The following EPB41L4A variants were observed in gnomAD, a reference collection of about 807,000 sequenced individuals.
EPB41L4A encodes the protein band 4.1-like protein 4A.
A neutral mutation model predicts 108.6 loss-of-function variants in EPB41L4A; 100 were observed. That is an observed-to-expected ratio of 0.92 (90% CI 0.78 to 1.09). The LOEUF is 1.09. Ranked by LOEUF, EPB41L4A falls within the 50% of genes least tolerant of loss-of-function variation. The pLI, the probability that EPB41L4A is intolerant of heterozygous loss-of-function variation, is 0.00. For synonymous variants in EPB41L4A, 319 were observed against 289.0 expected (o/e 1.10, Z -1.05); for missense variants, 1,030 against 842.7 (o/e 1.22, Z -2.75).
chr5:112,152,209 TAGAAG>T (rs1759495172), intron 12 of EPB41L4A, among the ~76,000 whole-genome samples: 2 of 149,176 alleles, frequency 1.3e-5, no homozygotes, highest in South Asian at 4.2e-4. Flanking sequence ...AAAAAAAACA[TAGAAG>T]AAAGAGAGAT....
chr5:112,386,947 G>C (rs909217881), intron 1 of EPB41L4A, among the ~76,000 whole-genome samples: 3 of 152,196 alleles, frequency 2.0e-5, no homozygotes, highest in Non-Finnish European at 4.4e-5. Context: ...ACCACTGACA[G>C]TGTTCCTATC....
chr5:112,148,431 C>G (rs549891874), intron 12 of EPB41L4A, among the ~76,000 whole-genome samples: 2 of 151,588 alleles, frequency 1.3e-5, no homozygotes, highest in African/African-American at 4.8e-5. Context: ...ATGGAATTTT[C>G]TTTAATTATT....
chr5:112,276,045 G>A (rs1752613480), intron 3 of EPB41L4A, among the ~76,000 whole-genome samples: 2 of 152,008 alleles, frequency 1.3e-5, no homozygotes, highest in South Asian at 4.2e-4. Context: ...GCAAACTCTG[G>A]GAAGAAGGGC....
chr5:112,268,099 A>T (rs1042334627), intron 4 of EPB41L4A, among the ~76,000 whole-genome samples: 3 of 152,214 alleles, frequency 2.0e-5, no homozygotes, highest in Non-Finnish European at 2.9e-5. Context: ...CTTATAAACA[A>T]GAGTGGGCAT....
At chr5:112,350,141 A>C (rs1453244159) in intron 1 of EPB41L4A, among the ~76,000 whole-genome samples, 1 of 64,806 alleles carries the variant, frequency 1.5e-5, no homozygotes, top group African/African-American at 3.4e-5. Flanking sequence ...CAATCTTTAT[A>C]TATTTTGTTT....
chr5:112,408,417 T>C (rs1178750355), intron 1 of EPB41L4A, among the ~76,000 whole-genome samples: 1 of 151,988 alleles, frequency 6.6e-6, no homozygotes, highest in Non-Finnish European at 1.5e-5. Context: ...AGTATAAAGA[T>C]GACCCAAATG....
intron 1 of EPB41L4A, among the ~76,000 whole-genome samples, chr5:112,308,930 T>A (rs752218520): frequency 1.3e-5 from 2 of 152,208 alleles, no homozygotes; most frequent in Non-Finnish European, 2.9e-5. Context: ...TTAATTTACA[T>A]TTTCCTGACA....
intron 18 of EPB41L4A, among the ~76,000 whole-genome samples, chr5:112,171,271 A>AGT (rs780599231): frequency 9.2e-5 from 14 of 152,358 alleles, no homozygotes; most frequent in South Asian, 4.1e-4. Context: ...CTCCCCATCC[A>AGT]GTGGTAACTG....
At chr5:112,393,486 T>C (rs2112689098) in intron 1 of EPB41L4A, among the ~76,000 whole-genome samples, 1 of 151,842 alleles carries the variant, frequency 6.6e-6, no homozygotes, top group South Asian at 2.1e-4. Context: ...AACTAGAAAA[T>C]CTAGAAGAAA....
chr5:112,220,903 C>T (rs1011250318), intron 12 of EPB41L4A, among the ~76,000 whole-genome samples: 1 of 152,184 alleles, frequency 6.6e-6, no homozygotes, highest in African/African-American at 2.4e-5. Context: ...GCTAAGCCCC[C>T]CTCCAGGTTA....
intron 18 of EPB41L4A, among the ~76,000 whole-genome samples, chr5:112,176,104 C>T (rs956538050): frequency 1.3e-5 from 2 of 152,082 alleles, no homozygotes; most frequent in African/African-American, 4.8e-5. Context: ...ATAACTAAGA[C>T]CTGGGGGAAC....
In EPB41L4A at chr5:112,332,728, T is replaced by C. The variant is rs575611596; in HGVS notation, c.100-25238A>G. 3.3e-5 allele frequency among the ~76,000 whole-genome samples: 5 copies of C among 152,334 alleles called. No homozygotes were observed. The South Asian group carries it at 1.0e-3, about 32-fold the overall frequency. On this transcript the variant is annotated intron_variant, in intron 1 of 22. Coordinates refer to ENST00000261486, the MANE Select transcript of EPB41L4A (RefSeq NM_022140.5). ...TAACAGAAGTTACCAACAATACAGTTACAATTAGCAACTGAAAATATGCAC... is the reference window on the plus strand; with the variant it reads ...TAACAGAAGTTACCAACAATACAGTCACAATTAGCAACTGAAAATATGCAC...
downstream of EPB41L4A, chr5:112,161,288 C>A: frequency 2.9e-6 from 1 of 344,360 alleles, no homozygotes; most frequent in Non-Finnish European, 5.8e-6. Context: ...TGATCACCTA[C>A]CCTACAGGTG....
chr5:112,203,954 G>A (rs1420769656), intron 15 of EPB41L4A, among the ~76,000 whole-genome samples: 4 of 151,722 alleles, frequency 2.6e-5, no homozygotes, highest in Admixed American at 2.0e-4. Context: ...CAGGAGAATC[G>A]CCTGAACCCA....
intron 9 of EPB41L4A, among the ~76,000 whole-genome samples, chr5:112,245,245 C>T (rs967107628): frequency 1.3e-5 from 2 of 152,128 alleles, no homozygotes; most frequent in Non-Finnish European, 2.9e-5. Flanking sequence ...AAGTTATATA[C>T]TTGCTAATTT....
chr5:112,215,544 T>G lies in EPB41L4A; in HGVS notation c.1088-5562A>C, dbSNP rs185578839. Among the ~76,000 whole-genome samples the G allele has an allele frequency of 5.3e-5, 8 of 152,020 alleles. No individual in the cohort carries two copies. In the East Asian group the frequency reaches 1.6e-3, roughly 30 times the overall value. On this transcript the variant is annotated intron_variant, in intron 12 of 22. Transcript: ENST00000261486. ...TTGGGAGGCCAAGGCGGGCGGATCATGAGGTCAGGAGATCGAGACCATTCT... is the reference window on the plus strand; with the variant it reads ...TTGGGAGGCCAAGGCGGGCGGATCAGGAGGTCAGGAGATCGAGACCATTCT...
Position 112,365,986 on chromosome 5 carries a change from T to C in EPB41L4A, c.99+52955A>G, listed in dbSNP as rs1759099414. Among the ~76,000 whole-genome samples the C allele has an allele frequency of 2.6e-5, 4 of 152,170 alleles. No individual in the cohort carries two copies. The South Asian group carries it at 6.2e-4, about 24-fold the overall frequency. On this transcript the variant is annotated intron_variant, in intron 1 of 22. Coordinates refer to ENST00000261486, the MANE Select transcript of EPB41L4A (RefSeq NM_022140.5). Reference sequence around the variant, plus strand: ...TTATTCAACAACGAAAAAAGCCCTATGCTGGGAAGAGAGTAAACTACAAGT... The same window carrying C: ...TTATTCAACAACGAAAAAAGCCCTACGCTGGGAAGAGAGTAAACTACAAGT...
chr5:112,373,562 T>G (rs958560307), intron 1 of EPB41L4A, among the ~76,000 whole-genome samples: 1 of 152,250 alleles, frequency 6.6e-6, no homozygotes, highest in Middle Eastern at 3.2e-3. Flanking sequence ...TTTTAGAGCT[T>G]TCAATGTATT....
At chr5:112,235,336 C>T (rs1749253451) in intron 11 of EPB41L4A, among the ~76,000 whole-genome samples, 2 of 152,186 alleles carry the variant, frequency 1.3e-5, no homozygotes, top group Admixed American at 6.5e-5. Context: ...GGGCAGGTTT[C>T]CCTGGGGCTG....
Sources: allele counts gnomAD v4.1 joint callset (sites outside exome capture counted in the v4.1 genomes callset), GRCh38; gene constraint gnomAD v4.1.1; transcripts MANE v1.5; gene names NCBI Gene and HGNC (gene_info 2026-07-23, HGNC 2026-07-21).